Variants in RAB27B observed in about 807,000 individuals in gnomAD.
RAB27B encodes RAB27B, member RAS oncogene family.
In RAB27B, 15 loss-of-function variants were observed where a neutral mutation model predicts 24.6. The ratio of observed to expected loss-of-function variants is 0.61; its 90% CI spans 0.41 to 0.94. The LOEUF is 0.94. RAB27B is among the 40% of genes least tolerant of loss of function. RAB27B has a pLI of 0.00. For synonymous variants in RAB27B, 105 were observed against 92.5 expected (o/e 1.14, Z -0.78); for missense variants, 261 against 266.8 (o/e 0.98, Z 0.15).
intron 2 of RAB27B, among the ~76,000 whole-genome samples, chr18:54,774,321 G>A (rs1194601148): frequency 2.0e-5 from 3 of 152,198 alleles, no homozygotes; most frequent in African/African-American, 7.2e-5. Flanking sequence ...GCCAGTCACT[G>A]AACCAAGCAC....
intron 2 of RAB27B, among the ~76,000 whole-genome samples, chr18:54,758,635 T>TAA (rs58044123): frequency 0.26 from 37,010 of 141,570 alleles, 5,392 homozygotes; most frequent in East Asian, 0.42. Flanking sequence ...CAAAAACAAT[T>TAA]AAAAAAAAAA....
intron 2 of RAB27B, among the ~76,000 whole-genome samples, chr18:54,769,699 A>C (rs1908482598): frequency 6.6e-6 from 1 of 152,198 alleles, no homozygotes; most frequent in Non-Finnish European, 1.5e-5. Context: ...ATACATGATT[A>C]AGTTTCTAAT....
chr18:54,820,717 C>T (rs1418078337), intron 2 of RAB27B, among the ~76,000 whole-genome samples: 1 of 152,144 alleles, frequency 6.6e-6, no homozygotes, highest in Non-Finnish European at 1.5e-5. Flanking sequence ...ATGGTATTGC[C>T]TGGGTTTTCT....
chr18:54,841,768 G>T (rs1292925972), intron 1 of RAB27B, among the ~76,000 whole-genome samples: 1 of 152,176 alleles, frequency 6.6e-6, no homozygotes, highest in Non-Finnish European at 1.5e-5. Flanking sequence ...TCTTTTGGTT[G>T]ATTGCACCTT....
intron 2 of RAB27B, among the ~76,000 whole-genome samples, chr18:54,739,418 T>C (rs892589535): frequency 1.9e-4 from 28 of 145,098 alleles, no homozygotes; most frequent in Middle Eastern, 3.5e-3. Flanking sequence ...ATCCTGCCAT[T>C]GCACTCCAGC....
chr18:54,777,945 T>C (rs1462670027), intron 2 of RAB27B, among the ~76,000 whole-genome samples: 2 of 151,244 alleles, frequency 1.3e-5, no homozygotes, highest in Non-Finnish European at 2.9e-5. Context: ...CCGGCAAAAA[T>C]ATAAGGAAGC....
rs540164122 is a variant in RAB27B, at chr18:54,814,962, A to G, written c.-19-62605A>G. 1.2e-4 allele frequency among the ~76,000 whole-genome samples: 18 copies of G among 152,196 alleles called. No homozygotes were observed. In the East Asian group the frequency reaches 3.3e-3, roughly 28 times the overall value. On this transcript the variant is annotated intron_variant, in intron 2 of 4. Coordinates refer to the RAB27B transcript ENST00000586570. ...TATTTATCAGTTTTTCTCATCCTTT[A>G]TTTCACAACCACCATCTCAACCCCC...
chr18:54,776,726 C>T lies in RAB27B; in HGVS notation c.-20+58585C>T, dbSNP rs1908726235. ...TATGACCAAAATGCCTAGACTATCT[C>T]CAGCACCATGTCAGTCACACAGTGA... is the stretch of plus-strand genomic sequence containing the variant. On this transcript the variant is annotated intron_variant, in intron 2 of 4. Coordinates refer to the RAB27B transcript ENST00000586570. Among the ~76,000 whole-genome samples, 2 of 152,264 alleles carry T rather than the reference C, an allele frequency of 1.3e-5. 1 individual carries two copies. Among genetic ancestry groups the T allele is most frequent in the South Asian group, 4.1e-4 (2 of 4,820 alleles).
chr18:54,790,032 A>G (rs1300384833), intron 2 of RAB27B, among the ~76,000 whole-genome samples: 2 of 152,170 alleles, frequency 1.3e-5, no homozygotes, highest in African/African-American at 4.8e-5. Context: ...GTCACAGCTT[A>G]ACATGAGGTA....
chr18:54,791,534 G>T (rs115475081), intron 2 of RAB27B, among the ~76,000 whole-genome samples: 2,944 of 152,270 alleles, frequency 0.019, 101 homozygotes, highest in African/African-American at 0.067. Flanking sequence ...GGAAGAGTGT[G>T]ATCCCTTTAA....
At chr18:54,730,334 G>A (rs1006178145) in intron 2 of RAB27B, among the ~76,000 whole-genome samples, 1 of 152,108 alleles carries the variant, frequency 6.6e-6, no homozygotes, top group Non-Finnish European at 1.5e-5. Context: ...TGAAAAACAG[G>A]TGCTGACATG....
chr18:54,728,875 CAAAAAA>C (rs56161105), intron 2 of RAB27B, among the ~76,000 whole-genome samples: 1 of 36,676 alleles, frequency 2.7e-5, no homozygotes, highest in African/African-American at 1.2e-4. Context: ...GACTCTGTCT[CAAAAAA>C]AAAAAAAAAA....
intron 2 of RAB27B, among the ~76,000 whole-genome samples, chr18:54,771,591 AGTGTGTGTGTGTGTGTGTGTGTGTGT>A (rs36228307): frequency 2.8e-5 from 4 of 144,884 alleles, no homozygotes; most frequent in African/African-American, 5.1e-5. Context: ...CTGATAGTTT[AGTGTGTGTGTGTGTGTGTGTGTGTGT>A]GTGTGTGTGT....
intron 2 of RAB27B, among the ~76,000 whole-genome samples, chr18:54,804,910 CTT>C (rs776743472): frequency 0.012 from 1,334 of 114,786 alleles, 13 homozygotes; most frequent in Admixed American, 0.031. Flanking sequence ...CTCTCTCTTT[CTT>C]TCTTTCTTTC....
At chr18:54,732,689 AG>A (rs1801983769) in intron 2 of RAB27B, among the ~76,000 whole-genome samples, 1 of 152,244 alleles carries the variant, frequency 6.6e-6, no homozygotes, top group African/African-American at 2.4e-5. Flanking sequence ...AGAGCATTTA[AG>A]AAATTAGATA....
intron 2 of RAB27B, among the ~76,000 whole-genome samples, chr18:54,764,079 G>T (rs1025428905): frequency 1.3e-5 from 2 of 152,024 alleles, no homozygotes; most frequent in African/African-American, 4.8e-5. Flanking sequence ...ATATACTTAT[G>T]AAGCAGTAGT....
chr18:54,785,430 C>A (rs2145099939), intron 2 of RAB27B, among the ~76,000 whole-genome samples: 1 of 138,044 alleles, frequency 7.2e-6, no homozygotes, highest in African/African-American at 2.7e-5. Context: ...CTCTCACCTT[C>A]CTCAGGTTTT....
rs913253508 is a variant in RAB27B at position 54,889,525 on chromosome 18, T to A, written c.*112T>A. On this transcript the variant is annotated 3_prime_UTR_variant, in exon 6 of 6. Coordinates refer to ENST00000262094, the MANE Select transcript of RAB27B (RefSeq NM_004163.4). ...ACCACGCACAATGGCATGTCTTTCTTTTTCTGCCAGAAAATCTATTTTAAG... is the reference window on the plus strand; with the variant it reads ...ACCACGCACAATGGCATGTCTTTCTATTTCTGCCAGAAAATCTATTTTAAG... 8 of 985,962 alleles carry A rather than the reference T, an allele frequency of 8.1e-6. No homozygotes were observed. In the African/African-American group the frequency reaches 1.2e-4, roughly 14 times the overall value. 61.1% of individuals were successfully genotyped at this position (985,962 alleles called of 1,614,324 possible). A position where few individuals can be genotyped will look rare whatever the true frequency, so the allele number is the denominator to read the frequency against.
intron 1 of RAB27B, 83 bp from the exon 2 acceptor site, chr18:54,877,484 A>G: frequency 8.8e-7 from 1 of 1,135,936 alleles, no homozygotes; most frequent in Non-Finnish European, 1.2e-6. Flanking sequence ...AACCCTGAAA[A>G]TTAAATTTAT....
Sources: allele counts gnomAD v4.1 joint callset (sites outside exome capture counted in the v4.1 genomes callset), GRCh38; gene constraint gnomAD v4.1.1; transcripts MANE v1.5; gene names NCBI Gene and HGNC (gene_info 2026-07-23, HGNC 2026-07-21).